The following C3orf20 variants were observed in gnomAD, a reference collection of about 807,000 sequenced individuals.
C3orf20 encodes the protein family with sequence similarity 149 member C, also known as uncharacterized protein C3orf20.
Under a neutral mutation model 88.3 loss-of-function variants are expected in C3orf20, and 76 were observed. The observed-to-expected ratio is 0.86, with a 90% CI of 0.72 to 1.04. The LOEUF (loss-of-function observed/expected upper bound fraction) is 1.04. Ranked by LOEUF, C3orf20 falls within the 50% of genes least tolerant of loss-of-function variation. The pLI is 0.00. For missense variants in C3orf20, 1,056 were observed against 1,123.3 expected, an observed-to-expected ratio of 0.94 and a Z score of 0.86; for synonymous variants, 436 against 437.4, an observed-to-expected ratio of 1.00 and a Z score of 0.04.
intron 15 of C3orf20, among the ~76,000 whole-genome samples, chr3:14,762,132 C>G (rs760199676): frequency 2.6e-5 from 4 of 152,154 alleles, no homozygotes; most frequent in Non-Finnish European, 4.4e-5. Context: ...AGTACAGTGA[C>G]GCGATCATAG....
intron 15 of C3orf20, among the ~76,000 whole-genome samples, chr3:14,761,872 T>C (rs2035574540): frequency 6.6e-6 from 1 of 152,126 alleles, no homozygotes; most frequent in South Asian, 2.1e-4. Context: ...AAAGCCATGT[T>C]GTGGGTTTCT....
In C3orf20 at chr3:14,712,088, A is replaced by G. The variant is rs142765513; in HGVS notation, c.1161-1919A>G. Among the ~76,000 whole-genome samples, 1,343 of 152,180 alleles carry G rather than the reference A, an allele frequency of 8.8e-3. 26 individuals are homozygous for G. The highest frequency in any genetic ancestry group is 0.03 in the African/African-American group (1,265 of 41,520). ...GGGCTCTGAAGATGTAATTTTTAAG[A>G]TGCAGTCATATTCTTGGGGTGGGCC... On this transcript the variant is annotated intron_variant, in intron 7 of 16. Transcript: ENST00000253697.
At chr3:14,758,045 T>C (rs1175730170) in intron 13 of C3orf20, among the ~76,000 whole-genome samples, 3 of 152,186 alleles carry the variant, frequency 2.0e-5, no homozygotes, top group African/African-American at 7.2e-5. Context: ...CTGAAAATAC[T>C]TGTAGACTGT....
intron 15 of C3orf20, among the ~76,000 whole-genome samples, chr3:14,763,365 G>A (rs898134370): frequency 6.6e-5 from 10 of 152,104 alleles, no homozygotes; most frequent in African/African-American, 1.7e-4. Context: ...CATAGATGGC[G>A]CCTTCTTGCT....
intron 5 of C3orf20, among the ~76,000 whole-genome samples, chr3:14,694,709 T>G (rs1247410122): frequency 1.3e-5 from 2 of 152,202 alleles, no homozygotes; most frequent in African/African-American, 4.8e-5. Context: ...ATCCTTATTA[T>G]TTCTTCTACT....
intron 4 of C3orf20, among the ~76,000 whole-genome samples, 157 bp from the exon 5 acceptor site, chr3:14,689,840 A>G (rs2032625984): frequency 6.6e-6 from 1 of 152,226 alleles, no homozygotes; most frequent in South Asian, 2.1e-4. Context: ...GGTGCATTGC[A>G]AAATCTTCTT....
Position 14,764,672 on chromosome 3 carries a change from T to C in C3orf20, c.2495+3057T>C, listed in dbSNP as rs989930943. Among the ~76,000 whole-genome samples the C allele has an allele frequency of 1.1e-4, 16 of 152,138 alleles. 1 individual carries two copies. The highest frequency in any genetic ancestry group is 9.2e-4 in the Admixed American group (14 of 15,264). ...CATCTCCAAGGTTTGCGCACTCCCA[T>C]ACCTGGTGGTCAGTGTGGACTGTCA... On this transcript the variant is annotated intron_variant, in intron 15 of 16. Transcript: ENST00000253697.
intron 13 of C3orf20, 48 bp downstream of exon 13, chr3:14,757,722 A>T: frequency 6.5e-7 from 1 of 1,550,042 alleles, no homozygotes; most frequent in Non-Finnish European, 8.7e-7. Context: ...GGGCAGGGGT[A>T]GTGGGGCAGT....
intron 12 of C3orf20, among the ~76,000 whole-genome samples, chr3:14,738,803 G>T (rs1158353525): frequency 3.5e-5 from 5 of 142,480 alleles, no homozygotes; most frequent in African/African-American, 1.3e-4. Context: ...ACCATGCCTG[G>T]CTAATTTTTT....
intron 5 of C3orf20, among the ~76,000 whole-genome samples, chr3:14,700,884 C>T (rs907091838): frequency 1.1e-4 from 16 of 152,240 alleles, no homozygotes; most frequent in Non-Finnish European, 2.1e-4. Flanking sequence ...CATGCTATTC[C>T]ACCTCACCTG....
intron 12 of C3orf20, among the ~76,000 whole-genome samples, chr3:14,735,901 G>A (rs2034693778): frequency 2.0e-5 from 3 of 151,956 alleles, no homozygotes; most frequent in Admixed American, 2.0e-4. Flanking sequence ...GGCCTATTGT[G>A]AACATAATTA....
At chr3:14,728,316 A>G (rs1477325596) in intron 11 of C3orf20, 123 bp from the exon 12 acceptor site, 13 of 1,157,040 alleles carry the variant, frequency 1.1e-5, no homozygotes, top group East Asian at 7.1e-5. Context: ...CGGAGAATCA[A>G]TGAGAGCGGA....
Position 14,682,965 on chromosome 3 carries a change from C to CT in C3orf20, c.255dup (p.Val86CysfsTer167). The CT allele has an allele frequency of 6.2e-7, 1 of 1,614,158 alleles. No homozygotes were observed. The highest frequency in any genetic ancestry group is 8.5e-7 in the Non-Finnish European group (1 of 1,180,022). ...CCCTGGTGGTGCTCATGGAACCCAC[C>CT]TTTGTGCAGGTCCCCACACTGAAGA... On this transcript the variant is annotated frameshift_variant, in exon 3 of 17. Transcript: ENST00000253697. LOFTEE classifies it high-confidence loss of function.
chr3:14,693,036 G>A (rs139801193), intron 5 of C3orf20, among the ~76,000 whole-genome samples: 7 of 152,196 alleles, frequency 4.6e-5, no homozygotes, highest in East Asian at 1.9e-4. Flanking sequence ...CATTGTAGAC[G>A]TATAGATTTA....
rs182024885 is a variant in C3orf20, at chr3:14,755,266, A to G, written c.1941-2105A>G. On this transcript the variant is annotated intron_variant, in intron 12 of 16. Coordinates refer to ENST00000253697, the MANE Select transcript of C3orf20 (RefSeq NM_032137.5). ...TGTGTATGTGTATTTTTTTTGCCACAGAGGGATTTTGGAGGCTGTTTTCTT... is the reference window on the plus strand; with the variant it reads ...TGTGTATGTGTATTTTTTTTGCCACGGAGGGATTTTGGAGGCTGTTTTCTT... 5.8e-3 allele frequency among the ~76,000 whole-genome samples: 882 copies of G among 152,124 alleles called. 5 individuals are homozygous for G. The highest frequency in any genetic ancestry group is 9.4e-3 in the Non-Finnish European group (641 of 67,982).
chr3:14,732,238 A>T (rs555535639), intron 12 of C3orf20, among the ~76,000 whole-genome samples: 1 of 152,358 alleles, frequency 6.6e-6, no homozygotes, highest in African/African-American at 2.4e-5. Flanking sequence ...TTTCCCTAAT[A>T]ACTAAAGTTG....
chr3:14,707,605 G>T (rs979981306), intron 7 of C3orf20, among the ~76,000 whole-genome samples: 8 of 151,996 alleles, frequency 5.3e-5, no homozygotes, highest in African/African-American at 1.9e-4. Flanking sequence ...TGCATAGATA[G>T]TAGATGCTTA....
chr3:14,705,041 G>T (rs1269383715), intron 7 of C3orf20, among the ~76,000 whole-genome samples: 1 of 152,170 alleles, frequency 6.6e-6, no homozygotes, highest in Admixed American at 6.5e-5. Flanking sequence ...AAGCTCTGTG[G>T]TCCTTGGATA....
intron 4 of C3orf20, 144 bp downstream of exon 4, chr3:14,684,526 A>G (rs1362319398): frequency 3.5e-6 from 4 of 1,139,632 alleles, no homozygotes; most frequent in African/African-American, 1.6e-5. Flanking sequence ...TTCAAATGCT[A>G]CAGGTGAGTG....
Sources: gnomAD v4.1 joint callset for allele counts (sites outside exome capture counted in the v4.1 genomes callset) on GRCh38, gnomAD v4.1.1 for gene constraint, MANE v1.5 for transcripts, NCBI Gene and HGNC (gene_info 2026-07-23, HGNC 2026-07-21) for gene names.